NXPE4: variants seen among roughly 807,000 people sequenced by gnomAD.
NXPE4 encodes the protein NXPE family member 4.
In NXPE4, 42 loss-of-function variants were observed where a neutral mutation model predicts 33.3. The observed-to-expected ratio is 1.26, with a 90% CI of 0.98 to 1.63. NXPE4 has a LOEUF of 1.63. Among genes scored for constraint, NXPE4 ranks in the 40% most tolerant of loss-of-function variants. NXPE4 has a pLI of 0.00. For synonymous variants in NXPE4, 253 were observed against 234.9 expected (o/e 1.08, Z -0.71); for missense variants, 709 against 647.6 (o/e 1.09, Z -1.03).
chr11:114,627,825 A>G, the NXPE4 span, among the ~76,000 whole-genome samples: 2 of 151,756 alleles, frequency 1.3e-5, no homozygotes, highest in South Asian at 4.2e-4. Flanking sequence ...ATGGAGGAAG[A>G]TCTACCAAGC....
At chr11:114,589,398 C>T (rs777226235) in intron 2 of NXPE4, among the ~76,000 whole-genome samples, 4 of 152,124 alleles carry the variant, frequency 2.6e-5, no homozygotes, top group Non-Finnish European at 4.4e-5. Flanking sequence ...CCTCTATAAT[C>T]GAGGCCTCCC....
intron 2 of NXPE4, chr11:114,583,547 G>A: frequency 3.3e-6 from 2 of 602,564 alleles, no homozygotes; most frequent in Non-Finnish European, 6.6e-6. Context: ...CGTTAGTGAG[G>A]ACTGTCCAGC....
intron 2 of NXPE4, chr11:114,584,670 G>C (rs1391478526): frequency 6.4e-6 from 1 of 156,342 alleles, no homozygotes; most frequent in Non-Finnish European, 1.4e-5. Flanking sequence ...GAGCCAAAGA[G>C]GTCAAGGAGC....
chr11:114,579,812 G>C (rs1020126740), intron 5 of NXPE4, among the ~76,000 whole-genome samples: 4 of 152,114 alleles, frequency 2.6e-5, no homozygotes, highest in African/African-American at 7.2e-5. Flanking sequence ...TCATTTTGCT[G>C]GTTCTAGAAG....
the NXPE4 span, among the ~76,000 whole-genome samples, chr11:114,609,675 A>T: frequency 2.2e-4 from 33 of 151,404 alleles, 1 homozygote; most frequent in Admixed American, 1.9e-3. Flanking sequence ...CCCAGTGGAT[A>T]ATAAGTATTT....
chr11:114,661,861 A>G, the NXPE4 span, among the ~76,000 whole-genome samples: 2 of 152,206 alleles, frequency 1.3e-5, no homozygotes, highest in African/African-American at 4.8e-5. Flanking sequence ...GATTCTCTGT[A>G]TATACCCACA....
intron 2 of NXPE4, chr11:114,583,267 G>T: frequency 1.5e-6 from 1 of 656,982 alleles, no homozygotes; most frequent in South Asian, 1.7e-5. Context: ...CGCAAAGGCA[G>T]GGCACCAGGA....
chr11:114,658,843 A>G, the NXPE4 span, among the ~76,000 whole-genome samples: 1 of 152,188 alleles, frequency 6.6e-6, no homozygotes, highest in Non-Finnish European at 1.5e-5. Context: ...GAGGCTGATC[A>G]CCAACAAAAG....
the NXPE4 span, among the ~76,000 whole-genome samples, chr11:114,625,403 T>G: frequency 2.0e-5 from 3 of 152,138 alleles, no homozygotes; most frequent in Non-Finnish European, 4.4e-5. Flanking sequence ...TAATAAGTAT[T>G]GCCTCATGGG....
chr11:114,598,565 A>G (rs1949604253), upstream of NXPE4, among the ~76,000 whole-genome samples: 1 of 152,124 alleles, frequency 6.6e-6, no homozygotes, highest in African/African-American at 2.4e-5. Flanking sequence ...TCAAGCCTCA[A>G]CTCTTGCACT....
At chr11:114,601,461 T>A in the NXPE4 span, among the ~76,000 whole-genome samples, 1 of 121,638 alleles carries the variant, frequency 8.2e-6, no homozygotes, top group East Asian at 2.1e-4. Context: ...ATATTATATA[T>A]AATATAAAAT....
the NXPE4 span, among the ~76,000 whole-genome samples, chr11:114,629,138 T>C: frequency 3.3e-5 from 5 of 151,888 alleles, no homozygotes; most frequent in South Asian, 2.1e-4. Context: ...TTCCAATCAA[T>C]AGAAAAAGAG....
intron 4 of NXPE4, among the ~76,000 whole-genome samples, chr11:114,581,456 G>A (rs1219427659): frequency 6.6e-6 from 1 of 152,092 alleles, no homozygotes; most frequent in Non-Finnish European, 1.5e-5. Flanking sequence ...AAGAGTTAAC[G>A]TTTAAAGGTT....
At chr11:114,625,230 C>T in the NXPE4 span, among the ~76,000 whole-genome samples, 5 of 149,108 alleles carry the variant, frequency 3.4e-5, no homozygotes, top group Non-Finnish European at 7.4e-5. Context: ...TTGGATAATA[C>T]GTATTGCCTC....
the NXPE4 span, among the ~76,000 whole-genome samples, chr11:114,622,339 T>C: frequency 1.3e-4 from 19 of 151,986 alleles, no homozygotes; most frequent in Admixed American, 5.2e-4. Flanking sequence ...CAATGCATCA[T>C]AAGTGTTGCC....
At chr11:114,621,366 T>A in the NXPE4 span, among the ~76,000 whole-genome samples, 11 of 151,858 alleles carry the variant, frequency 7.2e-5, no homozygotes, top group South Asian at 2.1e-3. Context: ...AATACTGTTA[T>A]CTGCTGCATA....
chr11:114,643,668 G>A, the NXPE4 span, among the ~76,000 whole-genome samples: 2 of 151,584 alleles, frequency 1.3e-5, no homozygotes, highest in African/African-American at 4.8e-5. Flanking sequence ...TAGCCTTGTA[G>A]TATAGTTTAA....
intron 2 of NXPE4, among the ~76,000 whole-genome samples, chr11:114,588,726 C>G (rs1159536547): frequency 6.6e-6 from 1 of 152,162 alleles, no homozygotes; most frequent in Admixed American, 6.5e-5. Flanking sequence ...CTCTTAACTA[C>G]TCTAAACTGT....
chr11:114,591,531 G>T (rs1256099136), intron 2 of NXPE4, among the ~76,000 whole-genome samples: 6 of 152,096 alleles, frequency 3.9e-5, no homozygotes, highest in Admixed American at 3.9e-4. Flanking sequence ...TCAACTTGAA[G>T]CCCCTCTAAC....
Sources: allele counts gnomAD v4.1 joint callset (sites outside exome capture counted in the v4.1 genomes callset), GRCh38; gene constraint gnomAD v4.1.1; transcripts MANE v1.5; gene names NCBI Gene and HGNC (gene_info 2026-07-23, HGNC 2026-07-21).